CLVS1: variants seen among roughly 807,000 people sequenced by gnomAD.
The protein encoded by CLVS1 is clavesin-1.
In CLVS1, 10 loss-of-function variants were observed where a neutral mutation model predicts 33.1. The ratio of observed to expected loss-of-function variants is 0.30; its 90% CI spans 0.19 to 0.51. The LOEUF (loss-of-function observed/expected upper bound fraction) is 0.51, where lower values mean the gene tolerates loss of function less well. CLVS1 is among the 20% of genes least tolerant of loss of function. CLVS1 has a pLI of 0.97. For synonymous variants in CLVS1, 163 were observed against 166.1 expected (o/e 0.98, Z 0.14); for missense variants, 343 against 433.4 (o/e 0.79, Z 1.85).
At chr8:61,309,123 A>T (rs116006501) in intron 2 of CLVS1, among the ~76,000 whole-genome samples, 1 of 152,286 alleles carries the variant, frequency 6.6e-6, no homozygotes, top group African/African-American at 2.4e-5. Context: ...TGTGCATTAG[A>T]AGTTGGGTCC....
At position 61,218,249 on chromosome 8, in the gene CLVS1, C is replaced by G. The variant is rs559352907; in HGVS notation, c.-151-81428C>G. ...AAAAATAGTCACAATATGGAGTCAA[C>G]CTGGGTGTCCAAAAACAGATGAATC... is the stretch of plus-strand genomic sequence containing the variant. On this transcript the variant is annotated intron_variant, in intron 2 of 2. Coordinates refer to the CLVS1 transcript ENST00000522621. Among the ~76,000 whole-genome samples the G allele has an allele frequency of 3.3e-4, 50 of 152,208 alleles. 1 individual carries two copies. The highest frequency in any genetic ancestry group is 5.4e-4 in the Non-Finnish European group (37 of 68,014).
Position 61,452,865 on chromosome 8 carries a change from A to C in CLVS1, c.631-1276A>C, listed in dbSNP as rs546600034. Among the ~76,000 whole-genome samples the C allele has an allele frequency of 8.9e-4, 135 of 152,274 alleles. 2 individuals are homozygous for C. Among genetic ancestry groups the C allele is most frequent in the Non-Finnish European group, 4.6e-4 (31 of 68,012 alleles). ...AAAGTTTTTCAAATGGCAACCCTTA[A>C]GTGCAGTTTCATGTACTCACACTGG... On this transcript the variant is annotated intron_variant, in intron 3 of 5. Transcript: ENST00000325897.
intron 3 of CLVS1, among the ~76,000 whole-genome samples, chr8:61,452,441 G>T (rs916053071): frequency 1.3e-5 from 2 of 152,108 alleles, no homozygotes; most frequent in African/African-American, 4.8e-5. Flanking sequence ...TTTAGTATGT[G>T]AAATAATGAA....
At chr8:61,087,436 C>T (rs1805147346) in intron 1 of CLVS1, among the ~76,000 whole-genome samples, 1 of 152,196 alleles carries the variant, frequency 6.6e-6, no homozygotes, top group African/African-American at 2.4e-5. Context: ...TTTTCTCCAT[C>T]AAGTGAGGTC....
chr8:61,285,986 G>T (rs1485221089), upstream of CLVS1, among the ~76,000 whole-genome samples: 3 of 144,128 alleles, frequency 2.1e-5, no homozygotes, highest in Admixed American at 7.0e-5. Context: ...TAGCACATAA[G>T]ACGCTGTCAT....
chr8:61,150,101 G>GGTGTGTGTGTGT (rs10653874), intron 2 of CLVS1, among the ~76,000 whole-genome samples: 7,930 of 146,436 alleles, frequency 0.054, 291 homozygotes, highest in East Asian at 0.1. Context: ...ATTTGAGAAA[G>GGTGTGTGTGTGT]GTGTGTGTGT....
chr8:61,392,771 A>T (rs1814356995), intron 3 of CLVS1, among the ~76,000 whole-genome samples: 1 of 151,362 alleles, frequency 6.6e-6, no homozygotes, highest in Non-Finnish European at 1.5e-5. Flanking sequence ...GAGGCAGGAG[A>T]ATTGCTTGAA....
At chr8:61,457,525 C>T (rs1817211373) in intron 4 of CLVS1, among the ~76,000 whole-genome samples, 2 of 151,842 alleles carry the variant, frequency 1.3e-5, no homozygotes, top group African/African-American at 2.4e-5. Flanking sequence ...CCTGCTTGAC[C>T]AGTTTTTATC....
chr8:61,256,944 G>T (rs779574283), intron 2 of CLVS1, among the ~76,000 whole-genome samples: 3 of 152,180 alleles, frequency 2.0e-5, no homozygotes, highest in Non-Finnish European at 2.9e-5. Flanking sequence ...CTTACTGGAG[G>T]TATAAGTTTA....
intron 3 of CLVS1, among the ~76,000 whole-genome samples, chr8:61,379,976 C>A (rs1488922217): frequency 6.6e-6 from 1 of 152,200 alleles, no homozygotes; most frequent in Admixed American, 6.5e-5. Context: ...TGAGGACTTT[C>A]TGGCAGCCCT....
chr8:61,135,035 C>A (rs1585634718), intron 2 of CLVS1, among the ~76,000 whole-genome samples: 1 of 151,804 alleles, frequency 6.6e-6, no homozygotes, highest in African/African-American at 2.4e-5. Context: ...AAGGAAAAAT[C>A]CATGGCACAC....
At chr8:61,173,353 ATTTT>A (rs1305391413) in intron 2 of CLVS1, among the ~76,000 whole-genome samples, 9 of 152,164 alleles carry the variant, frequency 5.9e-5, no homozygotes, top group Non-Finnish European at 2.9e-5. Context: ...TTAAATATTA[ATTTT>A]AGAAATTTGT....
intron 2 of CLVS1, among the ~76,000 whole-genome samples, chr8:61,140,755 A>G (rs554918860): frequency 6.6e-6 from 1 of 151,974 alleles, no homozygotes; most frequent in South Asian, 2.1e-4. Flanking sequence ...TTTAGTAGAG[A>G]TGGGGTTTCA....
At chr8:61,463,699 G>C (rs186023460) in intron 5 of CLVS1, among the ~76,000 whole-genome samples, 1 of 152,140 alleles carries the variant, frequency 6.6e-6, no homozygotes, top group African/African-American at 2.4e-5. Context: ...ACATTTCACG[G>C]TACCCCCAAA....
rs191017461 is a variant in CLVS1 at position 61,247,664 on chromosome 8, G to A, written c.-151-52013G>A. 5.4e-3 allele frequency among the ~76,000 whole-genome samples: 824 copies of A among 152,176 alleles called. 2 individuals are homozygous for A. Among genetic ancestry groups the A allele is most frequent in the Middle Eastern group, 0.01 (3 of 294 alleles). ...TAGGGTTGTTTTCTCTTATACATTT[G>A]TTTAAGTTCCTTATAGGTGCTGGAT... is the stretch of plus-strand genomic sequence containing the variant. On this transcript the variant is annotated intron_variant, in intron 2 of 2. Coordinates refer to the CLVS1 transcript ENST00000522621.
rs1166606940 is a variant in CLVS1 at position 61,149,551 on chromosome 8, C to CAAAAAAAAAAAAAAAAAAAAAAA, written c.-152+17708_-152+17709insAAAAAAAAAAAAAAAAAAAAAAA. Among the ~76,000 whole-genome samples the CAAAAAAAAAAAAAAAAAAAAAAA allele has an allele frequency of 8.9e-4, 46 of 51,932 alleles. 1 individual carries two copies. The highest frequency in any genetic ancestry group is 1.4e-3 in the Non-Finnish European group (33 of 22,888). 34.1% of individuals were successfully genotyped at this position (51,932 alleles called of 152,430 possible). ...TAGGCGACAGAACGAGACTCTGTCT[C>CAAAAAAAAAAAAAAAAAAAAAAA]AAAAAAAAAAAAAAAAACAAAAAAC... is the stretch of plus-strand genomic sequence containing the variant. On this transcript the variant is annotated intron_variant, in intron 2 of 2. Transcript: ENST00000522621.
intron 2 of CLVS1, among the ~76,000 whole-genome samples, chr8:61,175,777 C>T (rs1247853780): frequency 6.6e-6 from 1 of 152,166 alleles, no homozygotes; most frequent in African/African-American, 2.4e-5. Context: ...GCCCTGCTGA[C>T]ATTCTCAGAC....
intron 3 of CLVS1, among the ~76,000 whole-genome samples, chr8:61,391,591 G>A (rs1814306419): frequency 6.6e-6 from 1 of 152,102 alleles, no homozygotes; most frequent in Admixed American, 6.6e-5. Flanking sequence ...ATGTTTAATG[G>A]ATAATATTAA....
intron 2 of CLVS1, among the ~76,000 whole-genome samples, chr8:61,279,413 ATC>A (rs1370206411): frequency 6.6e-6 from 1 of 152,148 alleles, no homozygotes; most frequent in Non-Finnish European, 1.5e-5. Flanking sequence ...TTTTCTAATG[ATC>A]TCTCAGAGTA....
Sources: gnomAD v4.1 joint callset for allele counts (sites outside exome capture counted in the v4.1 genomes callset) on GRCh38, gnomAD v4.1.1 for gene constraint, MANE v1.5 for transcripts, NCBI Gene and HGNC (gene_info 2026-07-23, HGNC 2026-07-21) for gene names.